The following GALNT17 variants were observed in gnomAD, a reference collection of about 807,000 sequenced individuals.
GALNT17 encodes polypeptide N-acetylgalactosaminyltransferase 17.
A neutral mutation model predicts 63.7 loss-of-function variants in GALNT17; 29 were observed. That is an observed-to-expected ratio of 0.46 (90% CI 0.34 to 0.62). The LOEUF (loss-of-function observed/expected upper bound fraction) is 0.62, where lower values mean the gene tolerates loss of function less well. Ranked by LOEUF, GALNT17 falls within the 20% of genes least tolerant of loss-of-function variation. GALNT17 has a pLI of 0.01. For missense variants in GALNT17, 603 were observed against 799.6 expected, an observed-to-expected ratio of 0.75 and a Z score of 2.97; for synonymous variants, 305 against 318.3, an observed-to-expected ratio of 0.96 and a Z score of 0.45.
At chr7:71,630,397 C>T (rs1398057771) in intron 6 of GALNT17, among the ~76,000 whole-genome samples, 2 of 152,200 alleles carry the variant, frequency 1.3e-5, no homozygotes, top group African/African-American at 4.8e-5. Context: ...CCTAACACAC[C>T]CATAAGGCCC....
chr7:71,510,223 A>T (rs1207755487), intron 5 of GALNT17, among the ~76,000 whole-genome samples: 1 of 152,238 alleles, frequency 6.6e-6, no homozygotes, highest in Non-Finnish European at 1.5e-5. Context: ...TTGGGATTAC[A>T]GGCATGAGCC....
intron 1 of GALNT17, among the ~76,000 whole-genome samples, chr7:71,295,368 G>C (rs970724235): frequency 6.6e-6 from 1 of 152,084 alleles, no homozygotes; most frequent in Admixed American, 6.6e-5. Flanking sequence ...TTACCTAACA[G>C]TTGTCTAGGA....
At chr7:71,635,446 C>T (rs1305499801) in intron 6 of GALNT17, among the ~76,000 whole-genome samples, 3 of 152,092 alleles carry the variant, frequency 2.0e-5, no homozygotes, top group Non-Finnish European at 2.9e-5. Flanking sequence ...TTAAAATAGC[C>T]GTGGCTAAGG....
intron 3 of GALNT17, among the ~76,000 whole-genome samples, chr7:71,412,547 A>G (rs1171289860): frequency 6.6e-6 from 1 of 151,930 alleles, no homozygotes; most frequent in Non-Finnish European, 1.5e-5. Context: ...TAGTTTTTGT[A>G]TTTTTAATAG....
At chr7:71,181,636 G>A (rs1165434038) in intron 1 of GALNT17, among the ~76,000 whole-genome samples, 1 of 152,070 alleles carries the variant, frequency 6.6e-6, no homozygotes, top group Non-Finnish European at 1.5e-5. Flanking sequence ...GGGAGGCCAA[G>A]GAAGGAGGAT....
chr7:71,195,963 T>C (rs1261821843), intron 1 of GALNT17, among the ~76,000 whole-genome samples: 1 of 152,018 alleles, frequency 6.6e-6, no homozygotes, highest in Non-Finnish European at 1.5e-5. Flanking sequence ...CTAATGAGCT[T>C]CTCTAATGGG....
At chr7:71,591,624 C>T (rs1355586030) in intron 6 of GALNT17, among the ~76,000 whole-genome samples, 1 of 152,170 alleles carries the variant, frequency 6.6e-6, no homozygotes. Context: ...TGGAAATGGG[C>T]TCATCTGAGA....
intron 8 of GALNT17, among the ~76,000 whole-genome samples, chr7:71,672,027 CAAAAAAA>C (rs55777129): frequency 2.9e-5 from 3 of 104,928 alleles, no homozygotes; most frequent in Admixed American, 1.0e-4. Flanking sequence ...GACTCTGTCT[CAAAAAAA>C]AAAAAAAAAA....
At chr7:71,507,842 A>T (rs1788291843) in intron 5 of GALNT17, among the ~76,000 whole-genome samples, 1 of 152,212 alleles carries the variant, frequency 6.6e-6, no homozygotes, top group African/African-American at 2.4e-5. Context: ...AATTGTTTTA[A>T]GCAGGAGGAT....
intron 1 of GALNT17, among the ~76,000 whole-genome samples, chr7:71,254,594 G>A (rs886377207): frequency 5.3e-5 from 8 of 152,156 alleles, no homozygotes; most frequent in African/African-American, 1.9e-4. Flanking sequence ...TCCCAAAGGA[G>A]GAGAGTGTAA....
intron 5 of GALNT17, among the ~76,000 whole-genome samples, chr7:71,425,623 C>T (rs1234764965): frequency 2.0e-5 from 3 of 152,174 alleles, no homozygotes; most frequent in Admixed American, 2.0e-4. Context: ...AAGGCCCCAA[C>T]CACATGCGTC....
chr7:71,572,504 TA>T (rs371372359), intron 6 of GALNT17, among the ~76,000 whole-genome samples: 1 of 44,502 alleles, frequency 2.2e-5, no homozygotes, highest in Non-Finnish European at 3.7e-5. Context: ...CCTGTCTCAT[TA>T]AAAAAAAAAA....
At chr7:71,700,218 G>C (rs998849756) in intron 9 of GALNT17, among the ~76,000 whole-genome samples, 3 of 151,158 alleles carry the variant, frequency 2.0e-5, no homozygotes, top group Admixed American at 1.3e-4. Flanking sequence ...TAAGGCCCAA[G>C]AATCACTTGA....
chr7:71,686,954 G>A (rs972081713), intron 9 of GALNT17, among the ~76,000 whole-genome samples: 7 of 152,150 alleles, frequency 4.6e-5, no homozygotes, highest in African/African-American at 1.2e-4. Flanking sequence ...TGAGATGTTC[G>A]TAAGATGAGG....
At chr7:71,451,787 C>G (rs1787266904) in intron 5 of GALNT17, among the ~76,000 whole-genome samples, 1 of 152,112 alleles carries the variant, frequency 6.6e-6, no homozygotes, top group Non-Finnish European at 1.5e-5. Flanking sequence ...TCCAGACTTT[C>G]TTTCCTCTTT....
At chr7:71,422,592 A>C (rs1386278615) in intron 5 of GALNT17, among the ~76,000 whole-genome samples, 1 of 152,232 alleles carries the variant, frequency 6.6e-6, no homozygotes, top group Non-Finnish European at 1.5e-5. Flanking sequence ...GGGATCATGC[A>C]GATGGGTAGG....
chr7:71,381,380 G>A (rs574825545), intron 2 of GALNT17, among the ~76,000 whole-genome samples: 1 of 152,302 alleles, frequency 6.6e-6, no homozygotes, highest in South Asian at 2.1e-4. Flanking sequence ...TGGAGTAGGA[G>A]GCACTATCCC....
intron 1 of GALNT17, among the ~76,000 whole-genome samples, chr7:71,205,110 A>T (rs1283459517): frequency 6.9e-6 from 1 of 145,370 alleles, no homozygotes; most frequent in Non-Finnish European, 1.5e-5. Flanking sequence ...GGTTAAATTT[A>T]TTCCTAAGAA....
chr7:71,457,263 C>A (rs1787371024), intron 5 of GALNT17, among the ~76,000 whole-genome samples: 1 of 152,146 alleles, frequency 6.6e-6, no homozygotes, highest in Non-Finnish European at 1.5e-5. Context: ...ATATGCACCT[C>A]TTTTGTCTTT....
Sources: allele counts gnomAD v4.1 joint callset (sites outside exome capture counted in the v4.1 genomes callset), GRCh38; gene constraint gnomAD v4.1.1; transcripts MANE v1.5; gene names NCBI Gene and HGNC (gene_info 2026-07-23, HGNC 2026-07-21).